Variants in RORA observed in about 807,000 individuals in gnomAD.
RORA encodes RAR related orphan receptor A.
A neutral mutation model predicts 69.5 loss-of-function variants in RORA; 7 were observed. The observed-to-expected ratio is 0.10, with a 90% CI of 0.06 to 0.19. The LOEUF is 0.19. Among genes scored for constraint, RORA ranks in the 10% least tolerant of loss-of-function variants. The probability of loss-of-function intolerance (pLI) is 1.00; values close to 1 mark genes in which losing one functional copy is unlikely to be tolerated. For missense variants in RORA, 457 were observed against 663.0 expected, an observed-to-expected ratio of 0.69 and a Z score of 3.41; for synonymous variants, 261 against 240.8, an observed-to-expected ratio of 1.08 and a Z score of -0.78.
intron 1 of RORA, among the ~76,000 whole-genome samples, chr15:61,064,820 T>A (rs1310683202): frequency 6.6e-6 from 1 of 152,126 alleles, no homozygotes; most frequent in African/African-American, 2.4e-5. Flanking sequence ...CTAGAATTTC[T>A]AGGCTATAAG....
At chr15:60,842,748 C>T (rs1421504259) in intron 1 of RORA, among the ~76,000 whole-genome samples, 2 of 151,840 alleles carry the variant, frequency 1.3e-5, no homozygotes, top group African/African-American at 4.8e-5. Context: ...CCTCCCAAAC[C>T]CAAACTGGTG....
intron 2 of RORA, among the ~76,000 whole-genome samples, chr15:60,594,101 C>CA (rs960106253): frequency 1.2e-4 from 18 of 151,522 alleles, no homozygotes; most frequent in African/African-American, 2.7e-4. Flanking sequence ...ATTTTTCCCC[C>CA]AAAAAAAACT....
chr15:60,803,129 C>A lies in RORA; in HGVS notation c.167-124443G>T, dbSNP rs546302615. On this transcript the variant is annotated intron_variant, in intron 1 of 10. Transcript: ENST00000335670. Reference sequence around the variant, plus strand: ...TCATTTCCAAACCTGGGCCATAAATCACCCTTAGGAACACAATGGCCTGTG... The same window carrying A: ...TCATTTCCAAACCTGGGCCATAAATAACCCTTAGGAACACAATGGCCTGTG... Among the ~76,000 whole-genome samples the A allele has an allele frequency of 4.6e-5, 7 of 152,312 alleles. No individual in the cohort carries two copies. In the East Asian group the frequency reaches 1.4e-3, roughly 29 times the overall value.
At chr15:61,140,405 T>G (rs2079287013) in intron 1 of RORA, among the ~76,000 whole-genome samples, 1 of 152,220 alleles carries the variant, frequency 6.6e-6, no homozygotes. Flanking sequence ...CTACTCATCC[T>G]TAAAGACTCA....
At chr15:60,658,087 C>T (rs796784280) in intron 2 of RORA, among the ~76,000 whole-genome samples, 14 of 146,268 alleles carry the variant, frequency 9.6e-5, no homozygotes, top group African/African-American at 3.3e-4. Flanking sequence ...TTCTTTTTTT[C>T]TTTTTTTTTT....
At chr15:61,087,366 A>G (rs2078640582) in intron 1 of RORA, among the ~76,000 whole-genome samples, 1 of 152,248 alleles carries the variant, frequency 6.6e-6, no homozygotes. Context: ...CTGTCAAGCC[A>G]ATGTCAGAAC....
At chr15:61,134,491 T>C (rs1345009119) in intron 1 of RORA, among the ~76,000 whole-genome samples, 4 of 152,126 alleles carry the variant, frequency 2.6e-5, no homozygotes, top group African/African-American at 7.2e-5. Context: ...CTGGAAAACA[T>C]TGAGGAGGGT....
intron 1 of RORA, among the ~76,000 whole-genome samples, chr15:61,072,676 T>A (rs1001965225): frequency 1.6e-4 from 24 of 152,254 alleles, no homozygotes; most frequent in Admixed American, 4.6e-4. Context: ...TTTTATTTTA[T>A]TATAAACCAT....
At chr15:61,153,126 A>G (rs942408927) in intron 1 of RORA, among the ~76,000 whole-genome samples, 2 of 152,202 alleles carry the variant, frequency 1.3e-5, no homozygotes, top group African/African-American at 4.8e-5. Flanking sequence ...GACATCCACA[A>G]GAAGCCCTGG....
intron 1 of RORA, among the ~76,000 whole-genome samples, chr15:60,842,571 G>A (rs1183865882): frequency 1.3e-5 from 2 of 152,184 alleles, no homozygotes; most frequent in Middle Eastern, 3.2e-3. Flanking sequence ...TCAGAAGGCT[G>A]ACAGTGGGTC....
intron 1 of RORA, among the ~76,000 whole-genome samples, chr15:61,148,536 C>G (rs1257778781): frequency 2.0e-5 from 3 of 152,142 alleles, no homozygotes; most frequent in African/African-American, 4.8e-5. Context: ...AGTAGATCCA[C>G]TCCTATCAAG....
chr15:61,135,700 G>A (rs1420448688), intron 1 of RORA, among the ~76,000 whole-genome samples: 1 of 152,046 alleles, frequency 6.6e-6, no homozygotes, highest in Non-Finnish European at 1.5e-5. Context: ...GAAGCAGAGA[G>A]CAGGACTGCT....
intron 1 of RORA, among the ~76,000 whole-genome samples, chr15:61,201,346 T>C (rs372993674): frequency 1.3e-5 from 2 of 152,202 alleles, no homozygotes; most frequent in Non-Finnish European, 2.9e-5. Flanking sequence ...TGGAGAGGCC[T>C]GGGTTAGGGG....
intron 1 of RORA, among the ~76,000 whole-genome samples, chr15:61,041,703 C>T (rs750523244): frequency 2.6e-5 from 4 of 152,254 alleles, no homozygotes; most frequent in East Asian, 1.9e-4. Flanking sequence ...GAATTACAGG[C>T]GCGAGCCACC....
At chr15:61,228,358 G>C (rs1367136725) in intron 1 of RORA, among the ~76,000 whole-genome samples, 1 of 150,524 alleles carries the variant, frequency 6.6e-6, no homozygotes, top group African/African-American at 2.4e-5. Context: ...TCCCCTCGCC[G>C]CGCCCGCCAG....
intron 1 of RORA, among the ~76,000 whole-genome samples, chr15:61,013,819 G>C (rs1309230723): frequency 7.4e-6 from 1 of 135,686 alleles, no homozygotes; most frequent in African/African-American, 2.8e-5. Flanking sequence ...TGTCTCGCTC[G>C]GTTGCCCAGG....
intron 3 of RORA, among the ~76,000 whole-genome samples, chr15:60,523,574 C>G (rs2066249066): frequency 6.6e-6 from 1 of 152,194 alleles, no homozygotes; most frequent in South Asian, 2.1e-4. Context: ...TGCTGTGTCA[C>G]CAGCTCTCCA....
chr15:60,516,057 T>TTATATATATTTATATATATTTA (rs1567051645), intron 3 of RORA, among the ~76,000 whole-genome samples: 288 of 6,060 alleles, frequency 0.048, 41 homozygotes, highest in Non-Finnish European at 0.074. Context: ...TTATATATAT[T>TTATATATATTTATATATATTTA]TATATATATT....
chr15:60,983,757 C>G (rs536135820), intron 1 of RORA, among the ~76,000 whole-genome samples: 2 of 152,168 alleles, frequency 1.3e-5, no homozygotes, highest in South Asian at 2.1e-4. Flanking sequence ...ACTAAATAAA[C>G]GAATGAATAC....
Sources: gnomAD v4.1 joint callset for allele counts (sites outside exome capture counted in the v4.1 genomes callset) on GRCh38, gnomAD v4.1.1 for gene constraint, MANE v1.5 for transcripts, NCBI Gene and HGNC (gene_info 2026-07-23, HGNC 2026-07-21) for gene names.